The following RBM5 variants were observed in gnomAD, a reference collection of about 807,000 sequenced individuals.
RBM5 encodes RNA-binding protein 5.
Under a neutral mutation model 124.6 loss-of-function variants are expected in RBM5, and 15 were observed. The ratio of observed to expected loss-of-function variants is 0.12; its 90% CI spans 0.08 to 0.19. RBM5 has a LOEUF of 0.19. Among genes scored for constraint, RBM5 ranks in the 10% least tolerant of loss-of-function variants. The pLI is 1.00. For synonymous variants in RBM5, 337 were observed against 361.2 expected (o/e 0.93, Z 0.76); for missense variants, 580 against 1,026.5 (o/e 0.57, Z 5.94).
chr3:50,116,247 G>A (rs895664008), intron 22 of RBM5: 2 of 430,686 alleles, frequency 4.6e-6, no homozygotes, highest in South Asian at 2.8e-5. Context: ...GCTTAAATAC[G>A]CTGGATTTTG....
intron 2 of RBM5, among the ~76,000 whole-genome samples, chr3:50,090,829 A>G (rs568425622): frequency 6.6e-6 from 1 of 152,212 alleles, no homozygotes; most frequent in South Asian, 2.1e-4. Flanking sequence ...TGCAGAATCC[A>G]GGAGATCATA....
chr3:50,105,062 C>T lies in RBM5; in HGVS notation c.629-15C>T. 6.5e-7 allele frequency: 1 copy of T among 1,541,464 alleles called. No individual in the cohort carries two copies. ...ATTAGTTGTTTGTCTCTAATTGGAT[C>T]ACTTTCCCTTCTAGACTCTGAACAG... On this transcript the variant is annotated splice_polypyrimidine_tract_variant and intron_variant, in intron 8 of 24. Transcript: ENST00000347869.
intron 2 of RBM5, 114 bp from the exon 3 acceptor site, chr3:50,091,929 A>G: frequency 9.9e-7 from 1 of 1,014,974 alleles, no homozygotes. Context: ...TTAACACTTT[A>G]AACTATTTGG....
chr3:50,108,463 C>T (rs1446376338), intron 14 of RBM5, among the ~76,000 whole-genome samples, 159 bp downstream of exon 14: 3 of 152,094 alleles, frequency 2.0e-5, no homozygotes, highest in Non-Finnish European at 4.4e-5. Flanking sequence ...AATCCCAGCA[C>T]TTTGGGAGGC....
At position 50,093,727 on chromosome 3, in the gene RBM5, G is replaced by A. The variant is rs772392655; in HGVS notation, c.191G>A (p.Arg64His). 14 of 1,612,724 alleles carry A rather than the reference G, an allele frequency of 8.7e-6. No individual in the cohort carries two copies. Among genetic ancestry groups the A allele is most frequent in the Admixed American group, 1.7e-5 (1 of 60,004 alleles). ...YRDYDSPERERERRNSDRSED... is the reference protein window; with the variant it reads ...YRDYDSPEREHERRNSDRSED... ...TTGTTTATTGTAACTCAGAGAGAGC[G>A]TGAAAGAAGGAACAGTGACCGATCC... is the stretch of plus-strand genomic sequence containing the variant. Residue 64 changes from arginine to histidine, a missense_variant, in exon 4 of 25, where the codon CGT (arginine) becomes CAT (histidine). Arg to His is a conservative substitution (Grantham distance 29, BLOSUM62 0). Around this residue, in one of 6 missense-constraint regions of RBM5, gnomAD observed 99 missense variants for 121.1 expected, o/e 0.82. Transcript: ENST00000347869.
intron 3 of RBM5, chr3:50,092,845 T>C (rs949317368): frequency 1.1e-5 from 4 of 359,948 alleles, no homozygotes; most frequent in Non-Finnish European, 1.7e-5. Context: ...GCCCAGGAGT[T>C]AGAGGCCAGC....
At chr3:50,093,205 C>T (rs899470378) in intron 3 of RBM5, among the ~76,000 whole-genome samples, 3 of 150,926 alleles carry the variant, frequency 2.0e-5, no homozygotes, top group South Asian at 2.1e-4. Context: ...TTTGGGAGGC[C>T]GAGGCGGGCG....
In RBM5 at chr3:50,114,036, G is replaced by A; in HGVS notation, c.1704G>A (p.Leu568=). The change falls in exon 19 of 25, where the codon TTG becomes TTA. Residue 568 remains leucine (L), a synonymous_variant. Transcript: ENST00000347869. ...FKNSFQPVNS[L]REEERRESAA... ...ATAGCTTTCAGCCTGTCAATTCCTT[G>A]AGGGAAGAAGAAAGGAGAGAATCTG... 4 of 1,614,216 alleles carry A rather than the reference G, an allele frequency of 2.5e-6. No homozygotes were observed. Among genetic ancestry groups the A allele is most frequent in the Non-Finnish European group, 2.5e-6 (3 of 1,180,046 alleles).
At chr3:50,118,278 G>C in intron 24 of RBM5, 53 bp from the exon 25 acceptor site, 2 of 1,605,954 alleles carry the variant, frequency 1.2e-6, no homozygotes, top group Non-Finnish European at 1.7e-6. Context: ...CATGGTGAGA[G>C]GTGGAGCAGC....
At chr3:50,104,425 G>T in intron 8 of RBM5, 117 bp downstream of exon 8, 1 of 984,186 alleles carries the variant, frequency 1.0e-6, no homozygotes. Context: ...ATCACTTGAG[G>T]ACAGGAGTTC....
chr3:50,090,327 T>A, intron 1 of RBM5, 55 bp from the exon 2 acceptor site: 2 of 1,229,382 alleles, frequency 1.6e-6, no homozygotes, highest in Non-Finnish European at 2.4e-6. Flanking sequence ...GCTATGGAGC[T>A]GCTGACTTAA....
At chr3:50,110,182 GT>G (rs1405727783) in intron 15 of RBM5, among the ~76,000 whole-genome samples, 196 bp from the exon 16 acceptor site, 3 of 152,220 alleles carry the variant, frequency 2.0e-5, no homozygotes, top group Non-Finnish European at 4.4e-5. Context: ...CTGCAGTCCA[GT>G]TTGGGCAACA....
chr3:50,118,282 G>A (rs752407233), intron 24 of RBM5, 49 bp from the exon 25 acceptor site: 6 of 1,607,636 alleles, frequency 3.7e-6, no homozygotes, highest in Non-Finnish European at 4.3e-6. Context: ...GTGAGAGGTG[G>A]AGCAGCCCAT....
At chr3:50,112,606 C>T (rs2091168890) in intron 17 of RBM5, 1 of 152,306 alleles carries the variant, frequency 6.6e-6, no homozygotes, top group South Asian at 2.1e-4. Flanking sequence ...TCACCAACAC[C>T]TCCTTCCAGC....
chr3:50,105,673 C>T lies in RBM5; in HGVS notation c.819C>T (p.Asn273=). 1 of 1,614,224 alleles carries T rather than the reference C, an allele frequency of 6.2e-7. No individual in the cohort carries two copies. Among genetic ancestry groups the T allele is most frequent in the Non-Finnish European group, 8.5e-7 (1 of 1,180,042 alleles). The change falls in exon 10 of 25, where the codon AAC becomes AAT. Residue 273 remains asparagine, a synonymous_variant. Coordinates refer to ENST00000347869, the MANE Select transcript of RBM5 (RefSeq NM_005778.4). ...TAAAAGACAAACAGACCCAGCAGAA[C>T]AGAGGCTTCGCATTTGTGCAGCTGT... The part of the protein sequence containing the change: ...RLIKDKQTQQ[N]RGFAFVQLSS...
chr3:50,101,321 CATT>C (rs1201253819), intron 6 of RBM5: 1 of 152,168 alleles, frequency 6.6e-6, no homozygotes, highest in Non-Finnish European at 1.5e-5. Flanking sequence ...CTCCAAGGCA[CATT>C]ATTGAATGCC....
chr3:50,115,742 G>C lies in RBM5; in HGVS notation c.2019+135G>C, dbSNP rs2091237714. The C allele has an allele frequency of 8.9e-6, 11 of 1,238,510 alleles. No homozygotes were observed. The South Asian group carries it at 1.4e-4, about 16-fold the overall frequency. The allele number at this position is 1,238,510 out of a possible 1,614,324, so 76.7% of individuals were successfully genotyped here. A position where few individuals can be genotyped will look rare whatever the true frequency, so the allele number is the denominator to read the frequency against. The stretch of plus-strand genomic sequence containing the variant: ...TTACAGAAAGCTGTTCCCGATGACA[G>C]TGGACGGAGTCTGGCAGCTCCACAC... On this transcript the variant is annotated intron_variant, in intron 21 of 24. Coordinates refer to ENST00000347869, the MANE Select transcript of RBM5 (RefSeq NM_005778.4).
chr3:50,116,271 G>A, intron 22 of RBM5: 1 of 357,058 alleles, frequency 2.8e-6, no homozygotes, highest in South Asian at 3.5e-5. Context: ...TGGAGAGAGT[G>A]GTCTAGTTTG....
intron 4 of RBM5, among the ~76,000 whole-genome samples, chr3:50,098,114 A>T (rs1362416219): frequency 6.6e-6 from 1 of 152,136 alleles, no homozygotes; most frequent in African/African-American, 2.4e-5. Flanking sequence ...TTTAAAAAAA[A>T]GTTTATCATC....
Sources: gnomAD v4.1 joint callset for allele counts (sites outside exome capture counted in the v4.1 genomes callset) on GRCh38, gnomAD v4.1.1 for gene constraint, gnomAD v4.1.1 regional missense constraint, MANE v1.5 for transcripts, NCBI Gene and HGNC (gene_info 2026-07-23, HGNC 2026-07-21) for gene names.